The following MYRIP variants were observed in gnomAD, a reference collection of about 807,000 sequenced individuals.
MYRIP encodes the protein rab effector MyRIP.
Under a neutral mutation model 98.0 loss-of-function variants are expected in MYRIP, and 49 were observed. That is an observed-to-expected ratio of 0.50 (90% confidence interval 0.40 to 0.63). The LOEUF is 0.63. MYRIP is among the 30% of genes least tolerant of loss of function. The pLI is 0.00. For synonymous variants in MYRIP, 404 were observed against 409.5 expected (o/e 0.99, Z 0.16); for missense variants, 1,004 against 1,058.2 (o/e 0.95, Z 0.71).
intron 2 of MYRIP, among the ~76,000 whole-genome samples, chr3:39,949,223 C>T (rs2125716265): frequency 6.6e-6 from 1 of 152,190 alleles, no homozygotes; most frequent in East Asian, 1.9e-4. Context: ...GTTCCTTTTC[C>T]ATGCCATCAT....
chr3:40,167,937 C>T (rs140695073), intron 7 of MYRIP, among the ~76,000 whole-genome samples: 28 of 152,262 alleles, frequency 1.8e-4, no homozygotes, highest in African/African-American at 6.7e-4. Context: ...CCCAACACAT[C>T]GATGTATGCA....
intron 10 of MYRIP, among the ~76,000 whole-genome samples, chr3:40,204,463 T>C (rs2125656712): frequency 6.6e-6 from 1 of 151,192 alleles, no homozygotes; most frequent in African/African-American, 2.4e-5. Context: ...ATTACAGGCC[T>C]GAACCACCAC....
At chr3:39,967,050 C>T (rs9311226) in intron 2 of MYRIP, among the ~76,000 whole-genome samples, 5,781 of 152,254 alleles carry the variant, frequency 0.038, 371 homozygotes, top group African/African-American at 0.13. Context: ...AATAATGTAA[C>T]CATAGTTATC....
At chr3:39,930,435 T>C (rs1160522948) in intron 2 of MYRIP, among the ~76,000 whole-genome samples, 4 of 152,126 alleles carry the variant, frequency 2.6e-5, no homozygotes, top group African/African-American at 4.8e-5. Context: ...TTATGTATTA[T>C]GAATACAGTT....
intron 15 of MYRIP, among the ~76,000 whole-genome samples, chr3:40,251,260 C>T (rs1236286890): frequency 6.6e-6 from 1 of 152,158 alleles, no homozygotes; most frequent in Non-Finnish European, 1.5e-5. Flanking sequence ...ATTTAACAAA[C>T]ATTTATTGAA....
In MYRIP at chr3:40,000,653, C is replaced by G. The variant is rs563090573; in HGVS notation, c.111-43397C>G. ...TGATGATTTGTGACTTGCTTTCGTCCTTAATTTTTTGTGAGTCTTAATTTT... is the reference window on the plus strand; with the variant it reads ...TGATGATTTGTGACTTGCTTTCGTCGTTAATTTTTTGTGAGTCTTAATTTT... On this transcript the variant is annotated intron_variant, in intron 2 of 16. Transcript: ENST00000302541. Among the ~76,000 whole-genome samples the G allele has an allele frequency of 3.9e-5, 6 of 152,168 alleles. No homozygotes were observed. The South Asian group carries it at 1.2e-3, about 32-fold the overall frequency.
rs960614637 is a variant in MYRIP, at chr3:40,078,982, A to T, written c.332+34711A>T. On this transcript the variant is annotated intron_variant, in intron 3 of 16. Coordinates refer to ENST00000302541, the MANE Select transcript of MYRIP (RefSeq NM_015460.4). ...CCTTCTCCAGTTTCACTTCATTTCC[A>T]CATCATTTGGAGCTCCTTAATCCTG... 5.9e-5 allele frequency among the ~76,000 whole-genome samples: 9 copies of T among 152,254 alleles called. 1 individual carries two copies. Among genetic ancestry groups the T allele is most frequent in the Admixed American group, 1.3e-4 (2 of 15,296 alleles).
chr3:39,926,151 C>T (rs1944418005), intron 2 of MYRIP, among the ~76,000 whole-genome samples: 1 of 152,062 alleles, frequency 6.6e-6, no homozygotes, highest in Non-Finnish European at 1.5e-5. Context: ...AGTGTCTATT[C>T]ATGTCCTTTG....
chr3:39,882,146 T>C (rs1173169082), intron 1 of MYRIP, among the ~76,000 whole-genome samples: 2 of 152,132 alleles, frequency 1.3e-5, no homozygotes, highest in Non-Finnish European at 2.9e-5. Flanking sequence ...TAGTGAGCTG[T>C]AGTATAATGA....
Position 39,926,549 on chromosome 3 carries a change from T to C in MYRIP, c.110+25623T>C, listed in dbSNP as rs918646044. Among the ~76,000 whole-genome samples, 3 of 152,136 alleles carry C rather than the reference T, an allele frequency of 2.0e-5. No homozygotes were observed. In the East Asian group the frequency reaches 5.8e-4, roughly 29 times the overall value. On this transcript the variant is annotated intron_variant, in intron 2 of 16. Transcript: ENST00000302541. Reference sequence around the variant, plus strand: ...AGGGGTCCAGTTTCATTCTTCTGCTTATGGCTAGGCAGCTATTCCAGCAAC... The same window carrying C: ...AGGGGTCCAGTTTCATTCTTCTGCTCATGGCTAGGCAGCTATTCCAGCAAC...
intron 1 of MYRIP, among the ~76,000 whole-genome samples, chr3:39,828,506 T>A (rs1418764636): frequency 6.6e-6 from 1 of 152,030 alleles, no homozygotes; most frequent in Non-Finnish European, 1.5e-5. Context: ...CATAAGTTAT[T>A]GGGGTACAGG....
intron 7 of MYRIP, among the ~76,000 whole-genome samples, chr3:40,168,376 C>T (rs781160296): frequency 7.9e-5 from 12 of 152,190 alleles, no homozygotes; most frequent in Admixed American, 3.9e-4. Flanking sequence ...CCTAGCCTAT[C>T]GTAAATGTAC....
At chr3:40,079,025 C>T (rs1948416596) in intron 3 of MYRIP, among the ~76,000 whole-genome samples, 3 of 152,100 alleles carry the variant, frequency 2.0e-5, no homozygotes, top group African/African-American at 7.2e-5. Flanking sequence ...GGCCAAGTAA[C>T]GTGATGGATG....
intron 1 of MYRIP, among the ~76,000 whole-genome samples, chr3:39,874,260 T>C (rs1477361492): frequency 1.3e-5 from 2 of 152,160 alleles, no homozygotes; most frequent in South Asian, 4.1e-4. Flanking sequence ...TGGGGTTTTC[T>C]AGATATACAA....
chr3:39,949,421 A>C (rs1405783074), intron 2 of MYRIP, among the ~76,000 whole-genome samples: 1 of 152,136 alleles, frequency 6.6e-6, no homozygotes, highest in Non-Finnish European at 1.5e-5. Flanking sequence ...CTCAATGTTG[A>C]ATCACCTCAA....
intron 1 of MYRIP, among the ~76,000 whole-genome samples, chr3:39,869,778 C>T (rs1942729570): frequency 6.6e-6 from 1 of 152,196 alleles, no homozygotes; most frequent in Non-Finnish European, 1.5e-5. Flanking sequence ...CCCCAAACTC[C>T]TCATCTCCCT....
chr3:39,917,612 T>G lies in MYRIP; in HGVS notation c.110+16686T>G, dbSNP rs1944193750. 2.0e-5 allele frequency among the ~76,000 whole-genome samples: 3 copies of G among 151,934 alleles called. No homozygotes were observed. The South Asian group carries it at 6.3e-4, about 32-fold the overall frequency. ...TAACTCTCTCATTGTTCTCATTCTG[T>G]AAATGACTAAGAGAGATCAGAGACT... On this transcript the variant is annotated intron_variant, in intron 2 of 16. Transcript: ENST00000302541.
chr3:40,168,083 T>G (rs1225741857), intron 7 of MYRIP, among the ~76,000 whole-genome samples: 1 of 152,224 alleles, frequency 6.6e-6, no homozygotes, highest in East Asian at 1.9e-4. Context: ...CCTCTAATCA[T>G]GTACTGTAGT....
At chr3:40,045,263 C>G (rs1947646789) in intron 3 of MYRIP, among the ~76,000 whole-genome samples, 1 of 152,090 alleles carries the variant, frequency 6.6e-6, no homozygotes. Flanking sequence ...TTGGGGTCTC[C>G]AAGGAATCAG....
Sources: gnomAD v4.1 joint callset for allele counts (sites outside exome capture counted in the v4.1 genomes callset) on GRCh38, gnomAD v4.1.1 for gene constraint, MANE v1.5 for transcripts, NCBI Gene and HGNC (gene_info 2026-07-23, HGNC 2026-07-21) for gene names.